Variants in VCAN observed in about 807,000 individuals in gnomAD.
The protein encoded by VCAN is versican core protein.
VCAN carries 44 observed loss-of-function variants against 245.5 expected under a neutral mutation model. The observed-to-expected ratio is 0.18, with a 90% CI of 0.14 to 0.23. The LOEUF is 0.23. Among genes scored for constraint, VCAN ranks in the 10% least tolerant of loss-of-function variants. The pLI is 1.00. For missense variants in VCAN, 3,793 were observed against 4,057.9 expected (o/e 0.93, Z 1.77); for synonymous variants, 1,413 against 1,437.0 (o/e 0.98, Z 0.38).
intron 12 of VCAN, among the ~76,000 whole-genome samples, chr5:83,562,836 T>C (rs896658019): frequency 6.3e-5 from 9 of 143,552 alleles, no homozygotes; most frequent in African/African-American, 2.2e-4. Flanking sequence ...AGGCCCCCTC[T>C]CTCACAGTGG....
chr5:83,573,074 A>G (rs2112500450), intron 13 of VCAN, among the ~76,000 whole-genome samples: 1 of 151,472 alleles, frequency 6.6e-6, no homozygotes, highest in South Asian at 2.1e-4. Context: ...TAATTTTTGT[A>G]TTTTTAGTAG....
chr5:83,537,322 C>T lies in VCAN; in HGVS notation c.4319C>T (p.Ser1440Phe). The change falls in exon 8 of 15, where the codon TCT (serine) becomes TTT (phenylalanine). Residue 1440 changes from serine to phenylalanine, a missense_variant. This residue lies in a region of VCAN where 3,182 missense variants were observed against 3,250.3 expected (regional missense o/e 0.98). Coordinates refer to ENST00000265077, the MANE Select transcript of VCAN (RefSeq NM_004385.5). ...GGCCAGTTTGAAAGTGTTGCACCTT[C>T]TCAGAATTTCTCGGACAGCTCTGAA... The part of the protein sequence containing the change: ...RRGQFESVAP[S>F]QNFSDSSESD... 2 of 1,613,996 alleles carry T rather than the reference C, an allele frequency of 1.2e-6. No individual in the cohort carries two copies. The highest frequency in any genetic ancestry group is 1.7e-6 in the Non-Finnish European group (2 of 1,179,958).
At chr5:83,513,267 T>C (rs1333873074) in intron 6 of VCAN, among the ~76,000 whole-genome samples, 1 of 152,230 alleles carries the variant, frequency 6.6e-6, no homozygotes, top group Non-Finnish European at 1.5e-5. Flanking sequence ...CCTTGGGTAA[T>C]ATCCAAGACA....
rs759457950 is a variant in VCAN, at chr5:83,520,147, A to G, written c.1841A>G (p.Asn614Ser). The G allele has an allele frequency of 2.8e-5, 45 of 1,613,970 alleles. No individual in the cohort carries two copies. Among genetic ancestry groups the G allele is most frequent in the Non-Finnish European group, 3.4e-5 (40 of 1,179,978 alleles). The change falls in exon 7 of 15, where the codon AAT becomes AGT. Residue 614 changes from asparagine to serine, a missense_variant. By Grantham distance (46) the Asn-to-Ser change is conservative (BLOSUM62 1). Coordinates refer to ENST00000265077, the MANE Select transcript of VCAN (RefSeq NM_004385.5). ...GTTTCCCCTTTAATTATGCCTGATA[A>G]TAATGGATCATCCATGGATGACTGG... ...TTVSPLIMPD[N>S]NGSSMDDWEE...
At chr5:83,545,673 A>G in intron 9 of VCAN, 23 bp downstream of exon 9, 1 of 1,564,888 alleles carries the variant, frequency 6.4e-7, no homozygotes, top group Non-Finnish European at 8.8e-7. Context: ...TTGGCTGAAA[A>G]GGTGCAGTTC....
chr5:83,538,297 G>A lies in VCAN; in HGVS notation c.5294G>A (p.Ser1765Asn). The A allele has an allele frequency of 6.2e-7, 1 of 1,614,078 alleles. No individual in the cohort carries two copies. The highest frequency in any genetic ancestry group is 8.5e-7 in the Non-Finnish European group (1 of 1,179,958). Residue 1765 changes from serine (S) to asparagine (N), a missense_variant, in exon 8 of 15, where the codon AGT becomes AAT. Ser to Asn is a conservative substitution (Grantham distance 46, BLOSUM62 1). This residue lies in a region of VCAN where 3,182 missense variants were observed against 3,250.3 expected (regional missense o/e 0.98). Coordinates refer to ENST00000265077, the MANE Select transcript of VCAN (RefSeq NM_004385.5). ...GAAAGTCCAAATGTAGCTACATCTAGTGATTCAGGTACCAGGAAAAGTTTT... is the reference window on the plus strand; with the variant it reads ...GAAAGTCCAAATGTAGCTACATCTAATGATTCAGGTACCAGGAAAAGTTTT... ...ELESPNVATS[S>N]DSGTRKSFMS...
chr5:83,538,494 G>T lies in VCAN; in HGVS notation c.5491G>T (p.Val1831Phe). 1 of 1,613,966 alleles carries T rather than the reference G, an allele frequency of 6.2e-7. No individual in the cohort carries two copies. The highest frequency in any genetic ancestry group is 1.1e-5 in the South Asian group (1 of 91,068). ...CACTCTCCCACGTAGTCCTGCCTCT[G>T]TCTTTATGGAGCAGGGCTCTGGAGA... is the stretch of plus-strand genomic sequence containing the variant. Reference protein sequence around the residue: ...LTTLPRSPASVFMEQGSGEAA... With the variant: ...LTTLPRSPASFFMEQGSGEAA... Residue 1831 changes from valine to phenylalanine, a missense_variant, in exon 8 of 15, where the codon GTC (valine) becomes TTC (phenylalanine). This residue lies in a region of VCAN where 3,182 missense variants were observed against 3,250.3 expected (regional missense o/e 0.98). Transcript: ENST00000265077.
At chr5:83,577,588 C>T (rs1748529802) in intron 13 of VCAN, among the ~76,000 whole-genome samples, 1 of 152,148 alleles carries the variant, frequency 6.6e-6, no homozygotes, top group Admixed American at 6.6e-5. Context: ...CAAATTATTT[C>T]TGCCTCAACA....
chr5:83,553,619 C>A, intron 11 of VCAN, 97 bp downstream of exon 11: 1 of 1,474,980 alleles, frequency 6.8e-7, no homozygotes, highest in Non-Finnish European at 9.3e-7. Context: ...CTTTTTCAAT[C>A]ATAATACAAC....
intron 5 of VCAN, 115 bp from the exon 6 acceptor site, chr5:83,511,988 C>T: frequency 7.4e-7 from 1 of 1,350,156 alleles, no homozygotes; most frequent in Non-Finnish European, 1.0e-6. Context: ...GAAGCTGCTA[C>T]CTTGCCATGA....
At chr5:83,577,604 A>T (rs1460408922) in intron 13 of VCAN, among the ~76,000 whole-genome samples, 1 of 152,126 alleles carries the variant, frequency 6.6e-6, no homozygotes, top group Admixed American at 6.5e-5. Flanking sequence ...CAACAGCCTT[A>T]ATTTTGGTTG....
chr5:83,542,637 G>T (rs958544984), intron 8 of VCAN, among the ~76,000 whole-genome samples: 8 of 152,296 alleles, frequency 5.3e-5, no homozygotes, highest in African/African-American at 1.4e-4. Flanking sequence ...TAGAAAAAAA[G>T]TCCTATTTTT....
chr5:83,498,805 A>C (rs1745244303), intron 5 of VCAN, among the ~76,000 whole-genome samples: 1 of 152,162 alleles, frequency 6.6e-6, no homozygotes, highest in Non-Finnish European at 1.5e-5. Context: ...CCATCACTTT[A>C]AGAGTCCTTC....
chr5:83,519,581 A>G lies in VCAN; in HGVS notation c.1275A>G (p.Thr425=), dbSNP rs1412412812. The change falls in exon 7 of 15, where the codon ACA becomes ACG. Residue 425 remains threonine (T), a synonymous_variant. Transcript: ENST00000265077. ...ATAGTTTAGCCACCAAATTACCCAC[A>G]CCTACTGGCAGTACCAAGAAGCCCT... ...ITDSLATKLP[T]PTGSTKKPWD... The G allele has an allele frequency of 3.1e-6, 5 of 1,613,956 alleles. No homozygotes were observed. The highest frequency in any genetic ancestry group is 1.3e-5 in the African/African-American group (1 of 74,904).
In VCAN at chr5:83,582,163, T is replaced by A. The variant is rs1748698739; in HGVS notation, c.*1729T>A. 6.6e-6 allele frequency: 1 copy of A among 152,204 alleles called. No individual in the cohort carries two copies. The highest frequency in any genetic ancestry group is 1.5e-5 in the Non-Finnish European group (1 of 68,038). 9.4% of individuals were successfully genotyped at this position (152,204 alleles called of 1,614,324 possible). On this transcript the variant is annotated 3_prime_UTR_variant, in exon 15 of 15. Coordinates refer to ENST00000265077, the MANE Select transcript of VCAN (RefSeq NM_004385.5). The stretch of plus-strand genomic sequence containing the variant: ...TCCTTTCTCTTTACAATGCACATAA[T>A]ACTTTCCTGTATTTATATCATAACG...
intron 10 of VCAN, among the ~76,000 whole-genome samples, chr5:83,550,668 C>T (rs1473550596): frequency 6.6e-6 from 1 of 151,978 alleles, no homozygotes; most frequent in African/African-American, 2.4e-5. Flanking sequence ...GGGCGGATCA[C>T]CTGAGGTCAG....
At chr5:83,512,026 T>C in intron 5 of VCAN, 77 bp from the exon 6 acceptor site, 1 of 1,594,334 alleles carries the variant, frequency 6.3e-7, no homozygotes, top group Non-Finnish European at 8.6e-7. Flanking sequence ...CTCCAATTCC[T>C]TCCCCACCAT....
At chr5:83,572,643 T>A (rs1580079353) in intron 13 of VCAN, 83 bp downstream of exon 13, 1 of 1,537,588 alleles carries the variant, frequency 6.5e-7, no homozygotes, top group Non-Finnish European at 9.0e-7. Flanking sequence ...CTCAAATTCA[T>A]TGTTTGAGAC....
intron 8 of VCAN, among the ~76,000 whole-genome samples, chr5:83,543,028 C>T (rs1435848846): frequency 6.6e-6 from 1 of 152,112 alleles, no homozygotes; most frequent in African/African-American, 2.4e-5. Context: ...AGCAACTTGC[C>T]CAAGGTGGCA....
Sources: allele counts gnomAD v4.1 joint callset (sites outside exome capture counted in the v4.1 genomes callset), GRCh38; gene constraint gnomAD v4.1.1; regional missense constraint gnomAD v4.1.1; transcripts MANE v1.5; gene names NCBI Gene and HGNC (gene_info 2026-07-23, HGNC 2026-07-21).